RARS1: variants seen among roughly 807,000 people sequenced by gnomAD.
RARS1 encodes arginyl-tRNA synthetase 1.
In RARS1, 75 loss-of-function variants were observed where a neutral mutation model predicts 78.7. The observed-to-expected ratio is 0.95, with a 90% CI of 0.79 to 1.15. The LOEUF (loss-of-function observed/expected upper bound fraction) is 1.15. Among genes scored for constraint, RARS1 ranks in the 50% most tolerant of loss-of-function variants. The pLI, the probability that RARS1 is intolerant of heterozygous loss-of-function variation, is 0.00. For synonymous variants in RARS1, 273 were observed against 268.2 expected (o/e 1.02, Z -0.18); for missense variants, 787 against 787.5 (o/e 1.00, Z 0.01).
chr5:168,502,968 G>C (rs974567531), intron 9 of RARS1, among the ~76,000 whole-genome samples: 5 of 152,096 alleles, frequency 3.3e-5, no homozygotes, highest in Non-Finnish European at 4.4e-5. Context: ...AAGAAACTGG[G>C]CTATTTGTCC....
intron 6 of RARS1, among the ~76,000 whole-genome samples, chr5:168,496,779 C>T (rs1028631373): frequency 6.6e-6 from 1 of 152,128 alleles, no homozygotes; most frequent in Admixed American, 6.5e-5. Flanking sequence ...CCATTGCACC[C>T]GGCCTCAACA....
chr5:168,508,210 G>C (rs1463419744), intron 11 of RARS1, among the ~76,000 whole-genome samples: 1 of 151,942 alleles, frequency 6.6e-6, no homozygotes, highest in African/African-American at 2.4e-5. Context: ...CTCCTATTAT[G>C]GCATTTAATT....
At chr5:168,504,819 C>T (rs1480268641) in intron 9 of RARS1, among the ~76,000 whole-genome samples, 4 of 151,198 alleles carry the variant, frequency 2.6e-5, no homozygotes, top group African/African-American at 7.3e-5. Flanking sequence ...AGCGAGACTC[C>T]GTCTCAAAAA....
At position 168,510,659 on chromosome 5, in the gene RARS1, C is replaced by G; in HGVS notation, c.1425C>G (p.Asp475Glu). The change falls in exon 12 of 15, where the codon GAC becomes GAG. Residue 475 changes from aspartate (D) to glutamate (E), a missense_variant. Asp to Glu is a conservative substitution (Grantham distance 45, BLOSUM62 2). Transcript: ENST00000231572. ...LLGEGLKRSMDKLKEKERDKV... is the reference protein window; with the variant it reads ...LLGEGLKRSMEKLKEKERDKV... ...GAGAAGGACTAAAACGATCCATGGA[C>G]AAGTTGAAGGAAAAAGAAAGAGACA... 1 of 1,609,278 alleles carries G rather than the reference C, an allele frequency of 6.2e-7. No homozygotes were observed. Among genetic ancestry groups the G allele is most frequent in the Non-Finnish European group, 8.5e-7 (1 of 1,178,264 alleles).
At chr5:168,505,230 T>C (rs2152905198) in intron 9 of RARS1, among the ~76,000 whole-genome samples, 1 of 152,042 alleles carries the variant, frequency 6.6e-6, no homozygotes, top group African/African-American at 2.4e-5. Context: ...ATAGGGTTAT[T>C]TTGAAGGTTA....
chr5:168,510,569 T>A lies in RARS1; in HGVS notation c.1347-12T>A. The A allele has an allele frequency of 1.3e-6, 2 of 1,592,912 alleles. No homozygotes were observed. Among genetic ancestry groups the A allele is most frequent in the Non-Finnish European group, 1.7e-6 (2 of 1,169,238 alleles). On this transcript the variant is annotated splice_polypyrimidine_tract_variant and intron_variant, in intron 11 of 14. Coordinates refer to ENST00000231572, the MANE Select transcript of RARS1 (RefSeq NM_002887.4). ...TGTTTCAAAATCTGATTGGGGGTTT[T>A]ACATTTTTTAGGAAAAAGTTTAAAA...
In RARS1 at chr5:168,506,153, T is replaced by G; in HGVS notation, c.1190T>G (p.Phe397Cys). ...SDLAAIKQRLFEEKADMIIYV... is the reference protein window; with the variant it reads ...SDLAAIKQRLCEEKADMIIYV... ...CTGGCTGCTATTAAACAAAGACTAT[T>G]TGAGGAAAAAGCAGATATGATTATC... The change falls in exon 10 of 15, where the codon TTT becomes TGT. Residue 397 changes from phenylalanine to cysteine, a missense_variant. By Grantham distance (205) the Phe-to-Cys change is radical. Coordinates refer to ENST00000231572, the MANE Select transcript of RARS1 (RefSeq NM_002887.4). 1 of 1,583,578 alleles carries G rather than the reference T, an allele frequency of 6.3e-7. No individual in the cohort carries two copies. Among genetic ancestry groups the G allele is most frequent in the Non-Finnish European group, 8.6e-7 (1 of 1,165,568 alleles).
chr5:168,493,405 G>A (rs1452751767), intron 3 of RARS1, among the ~76,000 whole-genome samples: 1 of 152,070 alleles, frequency 6.6e-6, no homozygotes, highest in Non-Finnish European at 1.5e-5. Flanking sequence ...TCTCAAGTGT[G>A]AATATTGCAC....
chr5:168,506,114 A>G lies in RARS1; in HGVS notation c.1151A>G (p.Tyr384Cys), dbSNP rs758814154. 13 of 1,603,770 alleles carry G rather than the reference A, an allele frequency of 8.1e-6. No individual in the cohort carries two copies. Among genetic ancestry groups the G allele is most frequent in the East Asian group, 2.2e-5 (1 of 44,602 alleles). ...TIVKSDGGYT[Y>C]DTSDLAAIKQ... ...GTAAAATCAGATGGAGGTTATACCT[A>G]TGATACATCTGACCTGGCTGCTATT... Residue 384 changes from tyrosine (Y) to cysteine (C), a missense_variant, in exon 10 of 15, where the codon TAT (tyrosine) becomes TGT (cysteine). Transcript: ENST00000231572.
Position 168,489,812 on chromosome 5 carries a change from C to CTT in RARS1, c.180+1094_180+1095dup, listed in dbSNP as rs35560247. On this transcript the variant is annotated intron_variant, in intron 2 of 14. Coordinates refer to ENST00000231572, the MANE Select transcript of RARS1 (RefSeq NM_002887.4). ...ACTCCCATGACATCTCTCATATTAT[C>CTT]TTTTTTTTTTTTTTTTTTTGAGACG... Among the ~76,000 whole-genome samples the CTT allele has an allele frequency of 8.7e-3, 1,133 of 130,308 alleles. 31 individuals carry two copies. The East Asian group carries it at 0.089, about 10-fold the overall frequency. 85.5% of individuals were successfully genotyped at this position (130,308 alleles called of 152,430 possible). A position where few individuals can be genotyped will look rare whatever the true frequency, so the allele number is the denominator to read the frequency against.
At chr5:168,516,507 A>G (rs1169204962) in intron 12 of RARS1, among the ~76,000 whole-genome samples, 1 of 152,226 alleles carries the variant, frequency 6.6e-6, no homozygotes, top group African/African-American at 2.4e-5. Context: ...TCTACTGAAT[A>G]CACTGGAAAA....
In RARS1 at chr5:168,494,629, T is replaced by C; in HGVS notation, c.558T>C (p.Pro186=). The C allele has an allele frequency of 6.3e-7, 1 of 1,599,382 alleles. No individual in the cohort carries two copies. Among genetic ancestry groups the C allele is most frequent in the South Asian group, 1.1e-5 (1 of 90,742 alleles). ...TSLLVNGVQL[P]ALGENKKVIV... ...TTCTAGTGAATGGAGTTCAACTACC[T>C]GCTCTGGGAGAGAATAAAAAGGTAT... Residue 186 remains proline (P), a synonymous_variant, in exon 5 of 15, where the codon CCT becomes CCC. Coordinates refer to ENST00000231572, the MANE Select transcript of RARS1 (RefSeq NM_002887.4).
In RARS1 at chr5:168,506,118, T is replaced by C. The variant is rs551042105; in HGVS notation, c.1155T>C (p.Asp385=). ...AATCAGATGGAGGTTATACCTATGATACATCTGACCTGGCTGCTATTAAAC... is the reference window on the plus strand; with the variant it reads ...AATCAGATGGAGGTTATACCTATGACACATCTGACCTGGCTGCTATTAAAC... The part of the protein sequence containing the change: ...IVKSDGGYTY[D]TSDLAAIKQR... Residue 385 remains aspartate (D), a synonymous_variant, in exon 10 of 15, where the codon GAT becomes GAC. Coordinates refer to ENST00000231572, the MANE Select transcript of RARS1 (RefSeq NM_002887.4). 2.5e-6 allele frequency: 4 copies of C among 1,603,838 alleles called. No individual in the cohort carries two copies. In the African/African-American group the frequency reaches 5.4e-5, roughly 21 times the overall value.
At chr5:168,503,872 G>A (rs2445786) in intron 9 of RARS1, among the ~76,000 whole-genome samples, 94,929 of 151,540 alleles carry the variant, frequency 0.63, 30,423 homozygotes, top group East Asian at 0.88. Context: ...GGAGTTTGAG[G>A]TCAGTCTGCG....
At chr5:168,514,229 C>G (rs1758621368) in intron 12 of RARS1, among the ~76,000 whole-genome samples, 1 of 152,096 alleles carries the variant, frequency 6.6e-6, no homozygotes, top group Non-Finnish European at 1.5e-5. Flanking sequence ...TGGGGGCTGC[C>G]AAACTTCCTA....
chr5:168,505,404 C>T (rs1347146262), intron 9 of RARS1, among the ~76,000 whole-genome samples: 2 of 152,140 alleles, frequency 1.3e-5, no homozygotes, highest in Non-Finnish European at 2.9e-5. Context: ...ATTCCAAATG[C>T]CAAATCCTGC....
chr5:168,499,961 G>T (rs1213030553), intron 7 of RARS1, among the ~76,000 whole-genome samples: 1 of 152,148 alleles, frequency 6.6e-6, no homozygotes, highest in African/African-American at 2.4e-5. Flanking sequence ...GCCCAGGTGG[G>T]CAGATCACTT....
intron 9 of RARS1, among the ~76,000 whole-genome samples, chr5:168,504,868 T>A (rs1758405931): frequency 6.6e-6 from 1 of 151,090 alleles, no homozygotes; most frequent in Non-Finnish European, 1.5e-5. Flanking sequence ...ATGCCTGTGG[T>A]GACAGCTTCA....
At chr5:168,514,079 GT>G (rs1400195835) in intron 12 of RARS1, among the ~76,000 whole-genome samples, 1 of 152,116 alleles carries the variant, frequency 6.6e-6, no homozygotes, top group African/African-American at 2.4e-5. Context: ...AAAATCAGTT[GT>G]AAGTTTCATT....
Sources: allele counts gnomAD v4.1 joint callset (sites outside exome capture counted in the v4.1 genomes callset), GRCh38; gene constraint gnomAD v4.1.1; transcripts MANE v1.5; gene names NCBI Gene and HGNC (gene_info 2026-07-23, HGNC 2026-07-21).